The following TRHDE variants were observed in gnomAD, a reference collection of about 807,000 sequenced individuals.
The protein encoded by TRHDE is thyrotropin releasing hormone degrading enzyme.
TRHDE carries 72 observed loss-of-function variants against 125.7 expected under a neutral mutation model. The observed-to-expected ratio is 0.57, with a 90% CI of 0.47 to 0.70. The LOEUF (loss-of-function observed/expected upper bound fraction) is 0.70. TRHDE is among the 30% of genes least tolerant of loss of function. TRHDE has a pLI of 0.00. For synonymous variants in TRHDE, 509 were observed against 509.1 expected (o/e 1.00, Z 0.00); for missense variants, 1,110 against 1,327.1 (o/e 0.84, Z 2.54).
At chr12:72,618,822 C>G (rs937425063) in intron 12 of TRHDE, 69 bp from the exon 13 acceptor site, 3 of 1,337,362 alleles carry the variant, frequency 2.2e-6, no homozygotes, top group Admixed American at 5.7e-5. Flanking sequence ...GCTTTTCCGT[C>G]TTTTATTTGC....
chr12:72,248,307 ACTCAGGGGG>A (rs760580822), intron 2 of TRHDE, among the ~76,000 whole-genome samples: 127 of 151,368 alleles, frequency 8.4e-4, no homozygotes, highest in Non-Finnish European at 1.2e-3. Flanking sequence ...AATCCCAGCT[ACTCAGGGGG>A]CTGAGGCAGG....
intron 2 of TRHDE, among the ~76,000 whole-genome samples, chr12:72,247,069 G>A (rs1449139052): frequency 6.6e-6 from 1 of 152,160 alleles, no homozygotes; most frequent in Non-Finnish European, 1.5e-5. Flanking sequence ...GGACCTCGCA[G>A]AGACCAAAAT....
chr12:72,492,780 A>T (rs888058735), intron 5 of TRHDE, among the ~76,000 whole-genome samples: 2 of 151,910 alleles, frequency 1.3e-5, no homozygotes, highest in Non-Finnish European at 2.9e-5. Context: ...ATCATGTTGT[A>T]GTATAGATTT....
intron 2 of TRHDE, among the ~76,000 whole-genome samples, chr12:72,294,123 G>C (rs1473387289): frequency 6.6e-6 from 1 of 152,212 alleles, no homozygotes; most frequent in African/African-American, 2.4e-5. Flanking sequence ...GGAGTTCCCA[G>C]GTCTGGGCTC....
chr12:72,124,099 G>A lies in TRHDE; in HGVS notation n.279+18347G>A, dbSNP rs534643667. ...AACCACTGTGAGATTCAGATACCAG[G>A]CACCTCCTGTATTTTAGCCTCCATA... On this transcript the variant is annotated intron_variant and non_coding_transcript_variant, in intron 2 of 4. Coordinates refer to the TRHDE transcript ENST00000548156. 1.5e-3 allele frequency among the ~76,000 whole-genome samples: 227 copies of A among 152,160 alleles called. 1 individual carries two copies. The highest frequency in any genetic ancestry group is 5.0e-3 in the African/African-American group (208 of 41,504).
chr12:72,331,364 G>GAAAGTACCT (rs1869589316), intron 2 of TRHDE, among the ~76,000 whole-genome samples: 4 of 66,294 alleles, frequency 6.0e-5, no homozygotes, highest in Non-Finnish European at 1.4e-4. Context: ...GAAAATAATG[G>GAAAGTACCT]AAAAAGCTAC....
intron 2 of TRHDE, among the ~76,000 whole-genome samples, chr12:72,110,813 CTGT>C (rs1875298645): frequency 6.6e-6 from 1 of 152,046 alleles, no homozygotes; most frequent in Non-Finnish European, 1.5e-5. Flanking sequence ...CTAGCAGAAA[CTGT>C]TGTTTTGTAA....
chr12:72,549,327 G>A (rs1486356337), intron 7 of TRHDE, among the ~76,000 whole-genome samples: 4 of 151,778 alleles, frequency 2.6e-5, no homozygotes, highest in Non-Finnish European at 5.9e-5. Flanking sequence ...AGAGTGTTTT[G>A]TCCCTTACAT....
chr12:72,429,222 A>G lies in TRHDE; in HGVS notation c.1316-40536A>G, dbSNP rs1325414910. Among the ~76,000 whole-genome samples the G allele has an allele frequency of 2.1e-4, 32 of 151,978 alleles. 1 individual carries two copies. The highest frequency in any genetic ancestry group is 2.0e-3 in the Admixed American group (30 of 15,208). On this transcript the variant is annotated intron_variant, in intron 3 of 18. Transcript: ENST00000261180. The stretch of plus-strand genomic sequence containing the variant: ...GGTCAGGGGAAAGGAGAGGGATAGC[A>G]TTAGAAGAAATACCTAATGTAGCTG...
rs1555185556 is a variant in TRHDE at position 72,430,318 on chromosome 12, C to CGT, written c.1316-39440_1316-39439insGT. Among the ~76,000 whole-genome samples the CGT allele has an allele frequency of 6.8e-4, 93 of 137,214 alleles. 1 individual carries two copies. The highest frequency in any genetic ancestry group is 2.5e-3 in the African/African-American group (91 of 35,786). 90.0% of individuals were successfully genotyped at this position (137,214 alleles called of 152,430 possible). A position where few individuals can be genotyped will look rare whatever the true frequency, so the allele number is the denominator to read the frequency against. ...ATATATGTATATATATGTATATATA[C>CGT]ATGTATACATATATACATGTATATA... On this transcript the variant is annotated intron_variant, in intron 3 of 18. Coordinates refer to ENST00000261180, the MANE Select transcript of TRHDE (RefSeq NM_013381.3).
rs534668031 is a variant in TRHDE, at chr12:72,247,066, G to A, written n.280-130929G>A. On this transcript the variant is annotated intron_variant and non_coding_transcript_variant, in intron 2 of 4. Transcript: ENST00000548156. Reference sequence around the variant, plus strand: ...CATGGGGGATTTATTCCAGGACCTCGCAGAGACCAAAATCCATGGGTTCTC... The same window carrying A: ...CATGGGGGATTTATTCCAGGACCTCACAGAGACCAAAATCCATGGGTTCTC... Among the ~76,000 whole-genome samples the A allele has an allele frequency of 8.5e-4, 130 of 152,170 alleles. 1 individual carries two copies. Among genetic ancestry groups the A allele is most frequent in the Non-Finnish European group, 1.6e-3 (107 of 67,996 alleles).
At chr12:72,443,834 T>G (rs1327467856) in intron 3 of TRHDE, among the ~76,000 whole-genome samples, 1 of 151,734 alleles carries the variant, frequency 6.6e-6, no homozygotes, top group Non-Finnish European at 1.5e-5. Context: ...GTAGTGCTAG[T>G]GTGACTTACT....
chr12:72,293,736 G>A (rs780107901), intron 2 of TRHDE, among the ~76,000 whole-genome samples: 69 of 152,272 alleles, frequency 4.5e-4, no homozygotes, highest in African/African-American at 9.9e-4. Flanking sequence ...TTGGGGTGTC[G>A]TTTTTCTGGC....
chr12:72,343,738 T>C (rs1272512453), intron 2 of TRHDE, among the ~76,000 whole-genome samples: 1 of 152,082 alleles, frequency 6.6e-6, no homozygotes, highest in African/African-American at 2.4e-5. Flanking sequence ...TGACTGTAGA[T>C]AGAGTAATGT....
chr12:72,376,407 A>G (rs568293186), intron 2 of TRHDE, among the ~76,000 whole-genome samples: 1 of 152,266 alleles, frequency 6.6e-6, no homozygotes, highest in African/African-American at 2.4e-5. Context: ...TGTCAGGGGT[A>G]GGGGATCCTA....
chr12:72,221,291 C>T (rs1877993959), intron 2 of TRHDE, among the ~76,000 whole-genome samples: 1 of 151,910 alleles, frequency 6.6e-6, no homozygotes, highest in Admixed American at 6.6e-5. Flanking sequence ...TGAAGAAATC[C>T]TCAGGAGCAT....
At chr12:72,421,594 AAAACAAGCCAC>A (rs1447799365) in intron 3 of TRHDE, among the ~76,000 whole-genome samples, 6 of 152,224 alleles carry the variant, frequency 3.9e-5, no homozygotes, top group African/African-American at 1.2e-4. Context: ...CGGAGTCTGT[AAAACAAGCCAC>A]ATTCAAAGGG....
intron 6 of TRHDE, among the ~76,000 whole-genome samples, chr12:72,504,305 A>T (rs1031845398): frequency 3.2e-4 from 46 of 141,620 alleles, no homozygotes; most frequent in South Asian, 9.1e-4. Context: ...CACTAAGAAA[A>T]TTTTTTTTTT....
chr12:72,301,613 AAGTTTCTTAACT>A (rs1868261153), intron 2 of TRHDE, among the ~76,000 whole-genome samples: 1 of 152,232 alleles, frequency 6.6e-6, no homozygotes, highest in African/African-American at 2.4e-5. Context: ...TATTAGAGGC[AAGTTTCTTAACT>A]AGATTTGTGT....
Sources: allele counts gnomAD v4.1 joint callset (sites outside exome capture counted in the v4.1 genomes callset), GRCh38; gene constraint gnomAD v4.1.1; transcripts MANE v1.5; gene names NCBI Gene and HGNC (gene_info 2026-07-23, HGNC 2026-07-21).